Variants in PASD1 observed in about 807,000 individuals in gnomAD.
The protein encoded by PASD1 is circadian clock protein PASD1.
Under a neutral mutation model 58.8 loss-of-function variants are expected in PASD1, and 13 were observed. The observed-to-expected ratio is 0.22, with a 90% CI of 0.14 to 0.35. The LOEUF (loss-of-function observed/expected upper bound fraction) is 0.35, where lower values mean the gene tolerates loss of function less well. Among genes scored for constraint, PASD1 ranks in the 10% least tolerant of loss-of-function variants. PASD1 has a pLI of 1.00. For missense variants in PASD1, 734 were observed against 568.3 expected (o/e 1.29, Z -2.96); for synonymous variants, 236 against 216.7 (o/e 1.09, Z -0.78).
At chrX:151,635,640 T>C (rs1434356947) in intron 8 of PASD1, among the ~76,000 whole-genome samples, 4 of 112,158 alleles carry the variant, frequency 3.6e-5, no homozygotes, top group African/African-American at 1.3e-4. Context: ...GTTGCCAACT[T>C]ATGTCATTGC....
At chrX:151,655,288 A>G (rs769409617) in intron 9 of PASD1, among the ~76,000 whole-genome samples, 8 of 106,359 alleles carry the variant, frequency 7.5e-5, no homozygotes, top group South Asian at 8.2e-4. Context: ...AGTCTTTGCT[A>G]TTGTGAATAA....
At chrX:151,583,255 TG>T (rs1252231698) in intron 1 of PASD1, among the ~76,000 whole-genome samples, 1 of 112,413 alleles carries the variant, frequency 8.9e-6, no homozygotes, top group African/African-American at 3.2e-5. Context: ...ATGTGTAAAA[TG>T]GGGAACATAA....
At chrX:151,567,511 T>C (rs5970071) in intron 1 of PASD1, among the ~76,000 whole-genome samples, 3,903 of 111,041 alleles carry the variant, frequency 0.035, 176 homozygotes, top group African/African-American at 0.12. Context: ...CACCTCTTTA[T>C]GGCTCTGGTG....
Position 151,673,946 on chromosome X carries a change from T to C in PASD1, c.1935T>C (p.Tyr645=). ...CTTACAGTTTTTATCCTGAGGCGTA[T>C]CAAGGGCCCCCCGTGAACCAGCTGC... The part of the protein sequence containing the change: ...DESQSFYPEA[Y]QGPPVNQLPL... The change falls in exon 15 of 16, where the codon TAT becomes TAC. Residue 645 remains tyrosine, a synonymous_variant. Transcript: ENST00000370357. 1 of 1,211,582 alleles carries C rather than the reference T, an allele frequency of 8.3e-7. No individual in the cohort carries two copies. Among genetic ancestry groups the C allele is most frequent in the Non-Finnish European group, 1.1e-6 (1 of 895,152 alleles).
At chrX:151,671,898 C>A in intron 13 of PASD1, 119 bp downstream of exon 13, 1 of 840,831 alleles carries the variant, frequency 1.2e-6, no homozygotes. Flanking sequence ...ATTTATTTGC[C>A]CAAGATAGTA....
At chrX:151,629,785 A>G (rs2013843972) in intron 8 of PASD1, among the ~76,000 whole-genome samples, 1 of 111,949 alleles carries the variant, frequency 8.9e-6, no homozygotes, top group African/African-American at 3.2e-5. Context: ...TGCACCCTAA[A>G]ACAGATTTAT....
chrX:151,595,210 T>C (rs1217147643), intron 1 of PASD1, among the ~76,000 whole-genome samples: 1 of 111,746 alleles, frequency 8.9e-6, no homozygotes, highest in Non-Finnish European at 1.9e-5. Flanking sequence ...CCAAAAAATA[T>C]TTTTGCCTCC....
chrX:151,644,363 A>G (rs150020141), intron 8 of PASD1, among the ~76,000 whole-genome samples: 6,831 of 111,388 alleles, frequency 0.061, 203 homozygotes, highest in Middle Eastern at 0.18. Context: ...GTATTGGTCT[A>G]GGTGATCTAC....
intron 8 of PASD1, chrX:151,645,556 G>A (rs759498603): frequency 3.6e-5 from 4 of 112,047 alleles, no homozygotes; most frequent in Admixed American, 1.9e-4. Context: ...TGAAGGGCTC[G>A]ATTTAAGAGT....
In PASD1 at chrX:151,673,991, C is replaced by T; in HGVS notation, c.1980C>T (p.Asn660=). The change falls in exon 15 of 16, where the codon AAC becomes AAT. Residue 660 remains asparagine (N), a synonymous_variant. Transcript: ENST00000370357. ...VNQLPLIDTS[N]SEAISSSSIP... is the part of the protein sequence containing the mutation. ...AGCTGCCATTGATAGATACCTCAAA[C>T]TCTGAGGCAATTTCTTCTTCCAGCA... is the stretch of plus-strand genomic sequence containing the variant. 1 of 1,210,763 alleles carries T rather than the reference C, an allele frequency of 8.3e-7. No individual in the cohort carries two copies. Among genetic ancestry groups the T allele is most frequent in the Non-Finnish European group, 1.1e-6 (1 of 894,411 alleles).
chrX:151,672,885 C>T (rs181604659), intron 14 of PASD1: 195 of 495,840 alleles, frequency 3.9e-4, no homozygotes, highest in Middle Eastern at 2.5e-3. Context: ...AAGGGGTACC[C>T]ATGAAGAAAG....
At chrX:151,597,950 A>G (rs113068576) in intron 1 of PASD1, among the ~76,000 whole-genome samples, 4,987 of 111,589 alleles carry the variant, frequency 0.045, 228 homozygotes, top group African/African-American at 0.13. Context: ...GGCTAGTCTC[A>G]AACTCCTGAC....
chrX:151,580,902 C>T (rs2013080637), intron 1 of PASD1, among the ~76,000 whole-genome samples: 1 of 110,811 alleles, frequency 9.0e-6, no homozygotes, highest in Non-Finnish European at 1.9e-5. Flanking sequence ...GTTTACTATA[C>T]AGTAAAAAAT....
At chrX:151,592,487 G>A (rs2013263536) in intron 1 of PASD1, among the ~76,000 whole-genome samples, 1 of 111,681 alleles carries the variant, frequency 9.0e-6, no homozygotes, top group African/African-American at 3.2e-5. Flanking sequence ...AACTTTTCTT[G>A]ATGGAAATAT....
intron 9 of PASD1, among the ~76,000 whole-genome samples, chrX:151,653,782 CTTTCTTTCT>C (rs2014176813): frequency 2.5e-4 from 4 of 15,727 alleles, no homozygotes; most frequent in African/African-American, 5.1e-4. Flanking sequence ...TTCTTTCTTT[CTTTCTTTCT>C]TTCTTTCTTT....
chrX:151,598,813 AGATT>A lies in PASD1; in HGVS notation c.-27-2713_-27-2710del, dbSNP rs764728967. Among the ~76,000 whole-genome samples the A allele has an allele frequency of 4.7e-3, 528 of 111,296 alleles. 4 individuals are homozygous for A. The highest frequency in any genetic ancestry group is 0.016 in the African/African-American group (480 of 30,590). ...TGTGTCCCTTATTTTGGGGACTGATAGATTATTATTATTATTATTTTAGTATTTA... is the reference window on the plus strand; with the variant it reads ...TGTGTCCCTTATTTTGGGGACTGATAATTATTATTATTATTTTAGTATTTA... On this transcript the variant is annotated intron_variant, in intron 1 of 15. Coordinates refer to ENST00000370357, the MANE Select transcript of PASD1 (RefSeq NM_173493.3).
intron 8 of PASD1, among the ~76,000 whole-genome samples, chrX:151,625,872 G>A (rs1210486594): frequency 7.2e-5 from 8 of 111,270 alleles, no homozygotes; most frequent in Admixed American, 2.9e-4. Context: ...AGTTGAGCCC[G>A]GGATATCAAG....
At chrX:151,668,342 C>A (rs942033542) in intron 11 of PASD1, among the ~76,000 whole-genome samples, 4 of 111,408 alleles carry the variant, frequency 3.6e-5, no homozygotes, top group African/African-American at 6.5e-5. Context: ...AGCCTTGCAT[C>A]CCAGGGATGA....
chrX:151,672,943 G>A, intron 14 of PASD1: 1 of 306,968 alleles, frequency 3.3e-6, no homozygotes, highest in Non-Finnish European at 5.6e-6. Context: ...CACAAACCTT[G>A]AAATCACTTG....
Sources: allele counts gnomAD v4.1 joint callset (sites outside exome capture counted in the v4.1 genomes callset), GRCh38; gene constraint gnomAD v4.1.1; transcripts MANE v1.5; gene names NCBI Gene and HGNC (gene_info 2026-07-23, HGNC 2026-07-21).